The following PRKD3 variants were observed in gnomAD, a reference collection of about 807,000 sequenced individuals.
PRKD3 encodes serine/threonine-protein kinase D3.
Under a neutral mutation model 99.2 loss-of-function variants are expected in PRKD3, and 47 were observed. That is an observed-to-expected ratio of 0.47 (90% CI 0.38 to 0.60). The LOEUF (loss-of-function observed/expected upper bound fraction) is 0.60, where lower values mean the gene tolerates loss of function less well. Ranked by LOEUF, PRKD3 falls within the 20% of genes least tolerant of loss-of-function variation. The pLI, the probability that PRKD3 is intolerant of heterozygous loss-of-function variation, is 0.00. For missense variants in PRKD3, 1,019 were observed against 1,088.4 expected (o/e 0.94, Z 0.90); for synonymous variants, 392 against 355.4 (o/e 1.10, Z -1.16).
chr2:37,256,810 A>C lies in PRKD3; in HGVS notation c.2265T>G (p.Arg755=). Residue 755 remains arginine, a synonymous_variant, in exon 17 of 19, where the codon CGT becomes CGG. Transcript: ENST00000234179. ...CTCCCACTGACCACATATCTAGGGA[A>C]CGGTTGTAACCTTTGCTCCGGAGAA... ...PEVLRSKGYN[R]SLDMWSVGVI... 1 of 1,614,038 alleles carries C rather than the reference A, an allele frequency of 6.2e-7. No individual in the cohort carries two copies.
chr2:37,294,994 G>T lies in PRKD3; in HGVS notation c.289-1723C>A, dbSNP rs1670610605. On this transcript the variant is annotated intron_variant, in intron 2 of 18. Transcript: ENST00000234179. ...GGAGGCTGAGGCATAAGAATCACTT[G>T]AATCTGGGAGACAGAGGTTGCTGTG... Among the ~76,000 whole-genome samples the T allele has an allele frequency of 2.6e-5, 4 of 152,212 alleles. No individual in the cohort carries two copies. In the South Asian group the frequency reaches 8.3e-4, roughly 32 times the overall value.
chr2:37,270,120 G>A (rs1319648297), intron 12 of PRKD3, among the ~76,000 whole-genome samples: 2 of 151,974 alleles, frequency 1.3e-5, no homozygotes, highest in Admixed American at 6.6e-5. Flanking sequence ...CTAGCTACTC[G>A]GGAGGCTGAG....
chr2:37,296,457 A>G (rs1197079421), intron 2 of PRKD3, among the ~76,000 whole-genome samples: 2 of 152,210 alleles, frequency 1.3e-5, no homozygotes, highest in African/African-American at 4.8e-5. Flanking sequence ...AAGTCATTTC[A>G]GCATGTTTTC....
chr2:37,264,473 G>A (rs1038753807), intron 14 of PRKD3, among the ~76,000 whole-genome samples: 5 of 137,460 alleles, frequency 3.6e-5, no homozygotes, highest in African/African-American at 1.3e-4. Flanking sequence ...TAGTATGAAG[G>A]TGATAAGTGC....
At chr2:37,280,072 G>A in intron 7 of PRKD3, 143 bp from the exon 8 acceptor site, 2 of 550,910 alleles carry the variant, frequency 3.6e-6, no homozygotes, top group Middle Eastern at 9.9e-4. Flanking sequence ...TTTTTTTTGA[G>A]ATAGAGTTTC....
In PRKD3 at chr2:37,279,804, A is replaced by C; in HGVS notation, c.1114T>G (p.Phe372Val). The change falls in exon 8 of 19, where the codon TTC (phenylalanine) becomes GTC (valine). Residue 372 changes from phenylalanine to valine, a missense_variant. Phe to Val is a conservative substitution (Grantham distance 50). Around this residue, in one of 3 missense-constraint regions of PRKD3, gnomAD observed 710 missense variants for 692.7 expected, o/e 1.02. Transcript: ENST00000234179. ...EPSPPEDKMFFLDPSDLDVER... is the reference protein window; with the variant it reads ...EPSPPEDKMFVLDPSDLDVER... ...ACATCGAGATCAGATGGATCCAAGAAGAACATCTTATCTTCTGGGGGTGAT... is the reference window on the plus strand; with the variant it reads ...ACATCGAGATCAGATGGATCCAAGACGAACATCTTATCTTCTGGGGGTGAT... The C allele has an allele frequency of 6.2e-7, 1 of 1,613,998 alleles. No individual in the cohort carries two copies. Among genetic ancestry groups the C allele is most frequent in the Non-Finnish European group, 8.5e-7 (1 of 1,179,972 alleles).
At position 37,256,779 on chromosome 2, in the gene PRKD3, T is replaced by C. The variant is rs1054308278; in HGVS notation, c.2296A>G (p.Ile766Val). The C allele has an allele frequency of 1.9e-5, 30 of 1,614,016 alleles. No homozygotes were observed. The highest frequency in any genetic ancestry group is 2.5e-5 in the Non-Finnish European group (30 of 1,180,020). The change falls in exon 17 of 19, where the codon ATC becomes GTC. Residue 766 changes from isoleucine (I) to valine (V), a missense_variant. Ile to Val is a conservative substitution (Grantham distance 29, BLOSUM62 3). Around this residue, in one of 3 missense-constraint regions of PRKD3, gnomAD observed 184 missense variants for 275.1 expected, o/e 0.67. Transcript: ENST00000234179. ...SLDMWSVGVI[I>V]YVSLSGTFPF... Reference sequence around the variant, plus strand: ...AATGTGCCACTGAGGCTCACATAGATGATAACTCCCACTGACCACATATCT... The same window carrying C: ...AATGTGCCACTGAGGCTCACATAGACGATAACTCCCACTGACCACATATCT...
intron 2 of PRKD3, among the ~76,000 whole-genome samples, chr2:37,296,091 C>T (rs1363460505): frequency 6.6e-6 from 1 of 151,796 alleles, no homozygotes; most frequent in Non-Finnish European, 1.5e-5. Context: ...GAAACTATAG[C>T]AAGTAAATGG....
chr2:37,267,680 C>T (rs901371506), intron 13 of PRKD3, 144 bp from the exon 14 acceptor site: 1 of 619,952 alleles, frequency 1.6e-6, no homozygotes, highest in Non-Finnish European at 2.8e-6. Flanking sequence ...CCTTCACTCA[C>T]CTTTAATTTA....
chr2:37,296,869 C>T (rs1290633696), intron 2 of PRKD3, among the ~76,000 whole-genome samples: 1 of 137,750 alleles, frequency 7.3e-6, no homozygotes, highest in Admixed American at 8.3e-5. Flanking sequence ...CACCGCACTC[C>T]AGCCTGGGCG....
rs553799528 is a variant in PRKD3 at position 37,323,572 on chromosome 2, G to A, written c.-656+1109C>T. On this transcript the variant is annotated intron_variant, in intron 1 of 18. Coordinates refer to ENST00000234179, the MANE Select transcript of PRKD3 (RefSeq NM_005813.6). Reference sequence around the variant, plus strand: ...AGGGTTCGTTGACAAGGAAAAACTGGCCTAGATCTCAGTCGGGGGAACTTT... The same window carrying A: ...AGGGTTCGTTGACAAGGAAAAACTGACCTAGATCTCAGTCGGGGGAACTTT... Among the ~76,000 whole-genome samples the A allele has an allele frequency of 2.6e-5, 4 of 152,144 alleles. No individual in the cohort carries two copies. The South Asian group carries it at 8.3e-4, about 32-fold the overall frequency.
intron 18 of PRKD3, among the ~76,000 whole-genome samples, chr2:37,253,915 T>G (rs1332778792): frequency 6.6e-6 from 1 of 152,198 alleles, no homozygotes; most frequent in Non-Finnish European, 1.5e-5. Context: ...AGTAGACATT[T>G]AAAATAAATT....
intron 14 of PRKD3, among the ~76,000 whole-genome samples, chr2:37,263,397 C>T (rs1260171650): frequency 2.0e-5 from 3 of 152,084 alleles, no homozygotes; most frequent in African/African-American, 7.2e-5. Flanking sequence ...ATGAGGCATT[C>T]TTTGTTTTTA....
At chr2:37,265,525 G>C (rs1668778682) in intron 14 of PRKD3, among the ~76,000 whole-genome samples, 1 of 151,780 alleles carries the variant, frequency 6.6e-6, no homozygotes, top group African/African-American at 2.4e-5. Context: ...ACACAGAGTG[G>C]GTCAGTCCAA....
intron 2 of PRKD3, among the ~76,000 whole-genome samples, chr2:37,300,464 T>A (rs1466212720): frequency 6.6e-6 from 1 of 152,214 alleles, no homozygotes; most frequent in African/African-American, 2.4e-5. Flanking sequence ...TTTGGTAGCA[T>A]GATAGGTAGA....
At chr2:37,279,299 ATGAAAACTGCCCTAAACTTC>A (rs1669725066) in intron 8 of PRKD3, 1 of 152,510 alleles carries the variant, frequency 6.6e-6, no homozygotes. Context: ...CTGTGGCAAT[ATGAAAACTGCCCTAAACTTC>A]ATCACCATTA....
intron 8 of PRKD3, chr2:37,279,122 ACT>A (rs1669716654): frequency 6.6e-6 from 1 of 152,226 alleles, no homozygotes; most frequent in East Asian, 1.9e-4. Flanking sequence ...TCTTTAAGTA[ACT>A]CTTTGTTTCC....
In PRKD3 at chr2:37,299,071, C is replaced by T. The variant is rs183026055; in HGVS notation, c.289-5800G>A. On this transcript the variant is annotated intron_variant, in intron 2 of 18. Transcript: ENST00000234179. ...CCAGCTGCATGTCTGTCATATATGG[C>T]CCTTACTGTCTTGAGGTATGTTCCT... Among the ~76,000 whole-genome samples, 245 of 152,206 alleles carry T rather than the reference C, an allele frequency of 1.6e-3. 1 individual carries two copies. Among genetic ancestry groups the T allele is most frequent in the Non-Finnish European group, 2.4e-3 (164 of 68,008 alleles).
At chr2:37,264,797 T>C (rs1211971746) in intron 14 of PRKD3, among the ~76,000 whole-genome samples, 2 of 152,190 alleles carry the variant, frequency 1.3e-5, no homozygotes, top group African/African-American at 2.4e-5. Flanking sequence ...GGGATCTTTT[T>C]CAAGTGATTT....
Sources: allele counts gnomAD v4.1 joint callset (sites outside exome capture counted in the v4.1 genomes callset), GRCh38; gene constraint gnomAD v4.1.1; regional missense constraint gnomAD v4.1.1; transcripts MANE v1.5; gene names NCBI Gene and HGNC (gene_info 2026-07-23, HGNC 2026-07-21).